The following NPAT variants were observed in gnomAD, a reference collection of about 807,000 sequenced individuals.
NPAT encodes the protein nuclear protein, coactivator of histone transcription.
A neutral mutation model predicts 130.7 loss-of-function variants in NPAT; 52 were observed. That is an observed-to-expected ratio of 0.40 (90% CI 0.32 to 0.50). The LOEUF (loss-of-function observed/expected upper bound fraction) is 0.50. Among genes scored for constraint, NPAT ranks in the 20% least tolerant of loss-of-function variants. NPAT has a pLI of 0.68. For missense variants in NPAT, 1,687 were observed against 1,662.6 expected (o/e 1.01, Z -0.26); for synonymous variants, 580 against 584.8 (o/e 0.99, Z 0.12).
rs770282833 is a variant in NPAT at position 108,161,998 on chromosome 11, T to C, written c.3088A>G (p.Lys1030Glu). ...TTCCCAAGATCTGTGGCAATACTTT[T>C]GTCAGAAACTTCAGTTCTAAAACAA... is the stretch of plus-strand genomic sequence containing the variant. ...CHAQKTEVSD[K>E]SIATDLGKKS... The change falls in exon 17 of 18, where the codon AAA (lysine) becomes GAA (glutamate). Residue 1030 changes from lysine (K) to glutamate (E), a missense_variant. Physicochemically the swap from Lys to Glu is moderately conservative, Grantham distance 56. Coordinates refer to ENST00000278612, the MANE Select transcript of NPAT (RefSeq NM_002519.3). 82 of 1,608,704 alleles carry C rather than the reference T, an allele frequency of 5.1e-5. No homozygotes were observed. The highest frequency in any genetic ancestry group is 6.0e-5 in the Non-Finnish European group (71 of 1,177,822).
intron 1 of NPAT, among the ~76,000 whole-genome samples, chr11:108,216,508 G>A (rs749859407): frequency 6.6e-6 from 1 of 151,340 alleles, no homozygotes; most frequent in Non-Finnish European, 1.5e-5. Context: ...GGGAGGAGAG[G>A]AGGGTCAGGG....
intron 2 of NPAT, among the ~76,000 whole-genome samples, chr11:108,195,900 T>C (rs1476793926): frequency 3.3e-5 from 5 of 152,264 alleles, no homozygotes; most frequent in African/African-American, 9.6e-5. Flanking sequence ...GTGCTGGGAT[T>C]ATAGGCATGA....
rs2077843723 is a variant in NPAT at position 108,161,163 on chromosome 11, G to A, written c.3923C>T (p.Pro1308Leu). Residue 1308 changes from proline (P) to leucine (L), a missense_variant, in exon 17 of 18, where the codon CCT becomes CTT. Coordinates refer to ENST00000278612, the MANE Select transcript of NPAT (RefSeq NM_002519.3). ...GCAGGCAGGCAAGTCTGGGGTGACA[G>A]GAGGGACCATTACTTTTGATGTACT... ...DSSTSKVMVP[P>L]VTPDLPACSP... 6.8e-6 allele frequency: 11 copies of A among 1,614,156 alleles called. No individual in the cohort carries two copies. In the East Asian group the frequency reaches 8.9e-5, roughly 13 times the overall value.
chr11:108,160,977 CGCT>C lies in NPAT; in HGVS notation c.4106_4108del (p.Lys1369del). 6.2e-7 allele frequency: 1 copy of C among 1,614,100 alleles called. No homozygotes were observed. On this transcript the variant is annotated inframe_deletion, in exon 17 of 18. Transcript: ENST00000278612. ...ACGTTCATCTAATTCCTCAATTTTC[CGCT>C]TTTTTGTGGTGCTCCTTGAAGATGC...
rs1389314319 is a variant in NPAT, at chr11:108,186,583, T to A, written c.639-14A>T. ...CTCTGAGATTCACTGAAACACATTTTAAAAGCTTTTCTTTTAACCACTATA... is the reference window on the plus strand; with the variant it reads ...CTCTGAGATTCACTGAAACACATTTAAAAAGCTTTTCTTTTAACCACTATA... On this transcript the variant is annotated splice_polypyrimidine_tract_variant and intron_variant, in intron 7 of 17. Coordinates refer to ENST00000278612, the MANE Select transcript of NPAT (RefSeq NM_002519.3). The A allele has an allele frequency of 1.2e-6, 2 of 1,604,324 alleles. No individual in the cohort carries two copies. The highest frequency in any genetic ancestry group is 2.2e-5 in the East Asian group (1 of 44,774).
chr11:108,189,730 C>T (rs1182902544), intron 5 of NPAT, among the ~76,000 whole-genome samples: 1 of 151,050 alleles, frequency 6.6e-6, no homozygotes, highest in Non-Finnish European at 1.5e-5. Context: ...ATTAGCCGGG[C>T]GTGGTAGCGG....
At chr11:108,217,842 A>T (rs552206780) in intron 1 of NPAT, among the ~76,000 whole-genome samples, 1 of 152,050 alleles carries the variant, frequency 6.6e-6, no homozygotes. Flanking sequence ...AAAATACAAA[A>T]ATTAGCCGGG....
At chr11:108,179,037 A>G (rs2078034939) in intron 10 of NPAT, among the ~76,000 whole-genome samples, 1 of 152,214 alleles carries the variant, frequency 6.6e-6, no homozygotes, top group African/African-American at 2.4e-5. Context: ...ATGTAGACCA[A>G]TAAAACAGAA....
chr11:108,209,704 A>C (rs1157964397), intron 1 of NPAT, among the ~76,000 whole-genome samples: 1 of 152,040 alleles, frequency 6.6e-6, no homozygotes, highest in Non-Finnish European at 1.5e-5. Context: ...CCTGGCTAAC[A>C]TGGTGAAACC....
chr11:108,218,114 AAAC>A (rs1479619230), intron 1 of NPAT, among the ~76,000 whole-genome samples: 2 of 152,236 alleles, frequency 1.3e-5, no homozygotes, highest in African/African-American at 4.8e-5. Context: ...TTATTCCTAA[AAAC>A]AACTTAAGAA....
At chr11:108,208,579 C>A (rs1783679031) in intron 1 of NPAT, 2 of 319,594 alleles carry the variant, frequency 6.3e-6, no homozygotes, top group Non-Finnish European at 6.1e-6. Context: ...CAGGGTGAGA[C>A]CCTGTCTTTA....
At position 108,219,194 on chromosome 11, in the gene NPAT, G is replaced by A. The variant is rs147177870; in HGVS notation, c.37+3306C>T. On this transcript the variant is annotated intron_variant, in intron 1 of 17. Coordinates refer to ENST00000278612, the MANE Select transcript of NPAT (RefSeq NM_002519.3). ...GGAAGCACTGGTGGGAGGCTGGAGG[G>A]CAGGAGGAAGCAGCCATATTTTTCC... 3.9e-3 allele frequency among the ~76,000 whole-genome samples: 587 copies of A among 152,276 alleles called. 1 individual carries two copies. Among genetic ancestry groups the A allele is most frequent in the African/African-American group, 0.013 (555 of 41,550 alleles).
At chr11:108,191,343 T>C (rs2134866665) in intron 4 of NPAT, among the ~76,000 whole-genome samples, 1 of 152,308 alleles carries the variant, frequency 6.6e-6, no homozygotes, top group South Asian at 2.1e-4. Context: ...AAATTCACAG[T>C]ACAAGTTAAT....
chr11:108,188,916 C>G (rs988273504), intron 6 of NPAT, among the ~76,000 whole-genome samples, 190 bp downstream of exon 6: 1 of 152,146 alleles, frequency 6.6e-6, no homozygotes, highest in African/African-American at 2.4e-5. Context: ...TAGGAAGAAC[C>G]CTAGATTAAA....
chr11:108,188,048 T>C (rs750763988), intron 7 of NPAT, 50 bp downstream of exon 7: 4 of 1,316,150 alleles, frequency 3.0e-6, no homozygotes, highest in South Asian at 2.4e-5. Context: ...AATTCTTTTT[T>C]TTTTTTTTTA....
intron 10 of NPAT, among the ~76,000 whole-genome samples, chr11:108,180,945 A>T (rs1395477796): frequency 2.0e-5 from 3 of 152,206 alleles, no homozygotes; most frequent in African/African-American, 7.2e-5. Flanking sequence ...ACATAAAGTA[A>T]ATGCTGTATG....
At chr11:108,188,212 A>G in intron 6 of NPAT, 33 bp from the exon 7 acceptor site, 1 of 1,487,256 alleles carries the variant, frequency 6.7e-7, no homozygotes, top group Non-Finnish European at 9.4e-7. Flanking sequence ...AGTAAGCCAA[A>G]GAAACTGAAT....
intron 13 of NPAT, chr11:108,171,787 G>C (rs375556177): frequency 5.6e-6 from 1 of 177,448 alleles, no homozygotes; most frequent in African/African-American, 2.4e-5. Flanking sequence ...CACCATAACC[G>C]GCTGAAATTC....
intron 1 of NPAT, among the ~76,000 whole-genome samples, chr11:108,202,887 T>G (rs558641416): frequency 6.6e-6 from 1 of 152,230 alleles, no homozygotes; most frequent in East Asian, 1.9e-4. Context: ...AAGTACTAAT[T>G]AATGATGTAA....
Sources: allele counts gnomAD v4.1 joint callset (sites outside exome capture counted in the v4.1 genomes callset), GRCh38; gene constraint gnomAD v4.1.1; transcripts MANE v1.5; gene names NCBI Gene and HGNC (gene_info 2026-07-23, HGNC 2026-07-21).